Variants in HEPHL1 observed in about 807,000 individuals in gnomAD.
HEPHL1 encodes ferroxidase HEPHL1.
HEPHL1 carries 123 observed loss-of-function variants against 122.0 expected under a neutral mutation model. That is an observed-to-expected ratio of 1.01 (90% confidence interval 0.87 to 1.17). HEPHL1 has a LOEUF of 1.17. Ranked by LOEUF, HEPHL1 falls within the 50% of genes most tolerant of loss-of-function variation. The probability of loss-of-function intolerance (pLI) is 0.00; values close to 1 mark genes in which losing one functional copy is unlikely to be tolerated. For synonymous variants in HEPHL1, 527 were observed against 508.9 expected (o/e 1.04, Z -0.48); for missense variants, 1,452 against 1,430.5 (o/e 1.01, Z -0.24).
At chr11:94,058,758 G>T (rs773203659) in intron 2 of HEPHL1, among the ~76,000 whole-genome samples, 11 of 151,690 alleles carry the variant, frequency 7.3e-5, no homozygotes, top group Non-Finnish European at 1.3e-4. Context: ...TAGAGATGGG[G>T]TCTCGCTATG....
chr11:94,083,785 A>G (rs1163088843), intron 10 of HEPHL1, among the ~76,000 whole-genome samples: 1 of 152,132 alleles, frequency 6.6e-6, no homozygotes, highest in Non-Finnish European at 1.5e-5. Flanking sequence ...GTCATCTTCT[A>G]CAAAAGGTTT....
rs1427660957 is a variant in HEPHL1, at chr11:94,082,287, A to G, written c.1717-131A>G. 26 of 535,882 alleles carry G rather than the reference A, an allele frequency of 4.9e-5. No homozygotes were observed. The Admixed American group carries it at 8.3e-4, about 17-fold the overall frequency. The allele number at this position is 535,882 out of a possible 1,614,324, so 33.2% of individuals were successfully genotyped here. ...CATTCAGTATCTTTATTTAAAAATG[A>G]CCTGCGAACTCTTGGGCTGATGTTG... is the stretch of plus-strand genomic sequence containing the variant. On this transcript the variant is annotated intron_variant, in intron 9 of 19. Coordinates refer to ENST00000315765, the MANE Select transcript of HEPHL1 (RefSeq NM_001098672.2).
intron 14 of HEPHL1, 61 bp downstream of exon 14, chr11:94,101,396 G>T (rs187726584): frequency 1.8e-4 from 278 of 1,534,840 alleles, no homozygotes; most frequent in Middle Eastern, 9.2e-4. Flanking sequence ...ACTCTTTTCT[G>T]GTCTCAGAGG....
rs111872184 is a variant in HEPHL1 at position 94,076,804 on chromosome 11, G to A, written c.1716+1419G>A. Among the ~76,000 whole-genome samples the A allele has an allele frequency of 1.9e-3, 287 of 152,226 alleles. 1 individual carries two copies. The highest frequency in any genetic ancestry group is 6.4e-3 in the African/African-American group (266 of 41,536). ...GATGAAAATGGGAATAAGTGTTTGC[G>A]TCTCTTTCCAGTAAATTGTCATAAA... On this transcript the variant is annotated intron_variant, in intron 9 of 19. Coordinates refer to ENST00000315765, the MANE Select transcript of HEPHL1 (RefSeq NM_001098672.2).
At chr11:94,044,763 C>CA (rs1945818351) in intron 1 of HEPHL1, among the ~76,000 whole-genome samples, 1 of 136,386 alleles carries the variant, frequency 7.3e-6, no homozygotes, top group Non-Finnish European at 1.6e-5. Context: ...TTCTCCAAAC[C>CA]TTTTTTTTTT....
chr11:94,024,794 C>T (rs893692884), intron 1 of HEPHL1, among the ~76,000 whole-genome samples: 1 of 152,056 alleles, frequency 6.6e-6, no homozygotes, highest in Non-Finnish European at 1.5e-5. Context: ...CAGTAAAACA[C>T]CCTGATGATA....
intron 1 of HEPHL1, among the ~76,000 whole-genome samples, chr11:94,029,785 A>G (rs1945657273): frequency 6.6e-6 from 1 of 152,222 alleles, no homozygotes; most frequent in Non-Finnish European, 1.5e-5. Flanking sequence ...GAAGCATACC[A>G]TAAGTGCTCC....
chr11:94,046,091 CT>C (rs755367459), intron 2 of HEPHL1, among the ~76,000 whole-genome samples, 174 bp downstream of exon 2: 34 of 65,054 alleles, frequency 5.2e-4, no homozygotes, highest in Admixed American at 1.8e-3. Flanking sequence ...CCCTTTCTTG[CT>C]TTTTTTTTTT....
intron 9 of HEPHL1, among the ~76,000 whole-genome samples, chr11:94,081,275 C>A (rs1194711926): frequency 2.0e-5 from 3 of 152,154 alleles, no homozygotes; most frequent in Non-Finnish European, 1.5e-5. Flanking sequence ...AGGGGAACAA[C>A]ACACACTGCG....
In HEPHL1 at chr11:94,106,205, G is replaced by A. The variant is rs78077635; in HGVS notation, c.3045+75G>A. ...TCAATGTATTTCCAGTGGAAAATAA[G>A]AGTTACTTGGCAATAATGCTTGTGA... On this transcript the variant is annotated intron_variant, in intron 17 of 19. Transcript: ENST00000315765. 1.1e-3 allele frequency: 1,269 copies of A among 1,193,648 alleles called. 13 individuals carry two copies. The African/African-American group carries it at 0.018, about 17-fold the overall frequency. The allele number at this position is 1,193,648 out of a possible 1,614,324, so 73.9% of individuals were successfully genotyped here.
At chr11:94,028,395 C>T (rs1025001665) in intron 1 of HEPHL1, among the ~76,000 whole-genome samples, 2 of 152,154 alleles carry the variant, frequency 1.3e-5, no homozygotes, top group African/African-American at 4.8e-5. Flanking sequence ...CTGCAAGCTA[C>T]GAACTCCTGA....
At chr11:94,042,438 C>T (rs1424704957) in intron 1 of HEPHL1, among the ~76,000 whole-genome samples, 29 of 140,620 alleles carry the variant, frequency 2.1e-4, no homozygotes, top group Admixed American at 3.6e-4. Flanking sequence ...ATGTTTATTG[C>T]GGCATTATTC....
At chr11:94,085,905 A>C (rs1946212684) in intron 10 of HEPHL1, 72 bp from the exon 11 acceptor site, 1 of 1,050,074 alleles carries the variant, frequency 9.5e-7, no homozygotes, top group African/African-American at 1.6e-5. Context: ...TTTTGTAAAC[A>C]GTTTACATAT....
chr11:94,092,002 A>G (rs1037764256), intron 12 of HEPHL1, among the ~76,000 whole-genome samples: 2 of 152,208 alleles, frequency 1.3e-5, no homozygotes, highest in African/African-American at 4.8e-5. Flanking sequence ...GGAAATCATA[A>G]AAAGGCTTAA....
chr11:94,055,997 CA>C, intron 2 of HEPHL1: 1 of 896,670 alleles, frequency 1.1e-6, no homozygotes. Flanking sequence ...GACCCTTTCG[CA>C]GCCAGCTTCC....
At chr11:94,084,336 T>TTAAATAAA (rs5793669) in intron 10 of HEPHL1, among the ~76,000 whole-genome samples, 1,770 of 146,786 alleles carry the variant, frequency 0.012, 16 homozygotes, top group Admixed American at 0.015. Flanking sequence ...CTCTCTCTGT[T>TTAAATAAA]TAAATAAATA....
intron 13 of HEPHL1, among the ~76,000 whole-genome samples, chr11:94,098,683 C>T (rs751581879): frequency 6.6e-6 from 1 of 152,214 alleles, no homozygotes; most frequent in Non-Finnish European, 1.5e-5. Context: ...TTCACATAGT[C>T]CTATATTTCT....
At chr11:94,060,764 C>T (rs1003258438) in intron 2 of HEPHL1, among the ~76,000 whole-genome samples, 3 of 152,148 alleles carry the variant, frequency 2.0e-5, no homozygotes, top group African/African-American at 7.2e-5. Context: ...ACCTTCTAAT[C>T]TATATTAAAC....
rs543684168 is a variant in HEPHL1 at position 94,066,439 on chromosome 11, A to G, written c.809-1057A>G. On this transcript the variant is annotated intron_variant, in intron 4 of 19. Coordinates refer to ENST00000315765, the MANE Select transcript of HEPHL1 (RefSeq NM_001098672.2). ...CATGGTGGTGGGCACCTGTAATCTC[A>G]GCTACTGGGGAGGCTGAGGCACAAG... Among the ~76,000 whole-genome samples the G allele has an allele frequency of 3.2e-4, 49 of 152,132 alleles. No homozygotes were observed. In the East Asian group the frequency reaches 9.3e-3, roughly 29 times the overall value.
Sources: allele counts gnomAD v4.1 joint callset (sites outside exome capture counted in the v4.1 genomes callset), GRCh38; gene constraint gnomAD v4.1.1; transcripts MANE v1.5; gene names NCBI Gene and HGNC (gene_info 2026-07-23, HGNC 2026-07-21).